The following EPHA6 variants were observed in gnomAD, a reference collection of about 807,000 sequenced individuals.
EPHA6 encodes the protein EPH receptor A6, also known as ephrin type-A receptor 6.
A neutral mutation model predicts 112.0 loss-of-function variants in EPHA6; 50 were observed. The ratio of observed to expected loss-of-function variants is 0.45; its 90% CI spans 0.36 to 0.56. EPHA6 has a LOEUF of 0.56. Ranked by LOEUF, EPHA6 falls within the 20% of genes least tolerant of loss-of-function variation. The pLI is 0.00. For missense variants in EPHA6, 1,280 were observed against 1,417.4 expected (o/e 0.90, Z 1.56); for synonymous variants, 529 against 490.7 (o/e 1.08, Z -1.03).
At chr3:97,214,185 C>T (rs974078273) in intron 3 of EPHA6, among the ~76,000 whole-genome samples, 28 of 152,106 alleles carry the variant, frequency 1.8e-4, no homozygotes, top group Non-Finnish European at 4.0e-4. Context: ...ATTCCAGGTG[C>T]CTGCCACCAT....
intron 3 of EPHA6, among the ~76,000 whole-genome samples, chr3:97,092,972 TA>T (rs1185303244): frequency 5.3e-5 from 8 of 152,126 alleles, no homozygotes; most frequent in Admixed American, 2.0e-4. Flanking sequence ...CAGTCTTGTG[TA>T]GGGTCTCAAA....
chr3:96,868,856 T>C (rs1219681286), intron 2 of EPHA6, among the ~76,000 whole-genome samples: 1 of 152,032 alleles, frequency 6.6e-6, no homozygotes, highest in Non-Finnish European at 1.5e-5. Context: ...ATTTTTCTTT[T>C]TACTTAAATT....
At position 96,947,821 on chromosome 3, in the gene EPHA6, G is replaced by T. The variant is rs148243279; in HGVS notation, c.451-39509G>T. Reference sequence around the variant, plus strand: ...TCAATATCATGAAAATGGCCATACTGCCCAAGGTAACTTATAGATTCAATG... The same window carrying T: ...TCAATATCATGAAAATGGCCATACTTCCCAAGGTAACTTATAGATTCAATG... On this transcript the variant is annotated intron_variant, in intron 2 of 17. Transcript: ENST00000389672. Among the ~76,000 whole-genome samples, 563 of 152,202 alleles carry T rather than the reference G, an allele frequency of 3.7e-3. 2 individuals carry two copies. The highest frequency in any genetic ancestry group is 6.2e-3 in the Non-Finnish European group (424 of 68,002).
At chr3:97,418,768 G>GA (rs199851466) in intron 6 of EPHA6, among the ~76,000 whole-genome samples, 1,727 of 151,958 alleles carry the variant, frequency 0.011, 18 homozygotes, top group South Asian at 0.023. Flanking sequence ...ACATAAATCT[G>GA]AAAAAATACA....
At chr3:97,342,143 T>C (rs2083336237) in intron 5 of EPHA6, among the ~76,000 whole-genome samples, 1 of 152,196 alleles carries the variant, frequency 6.6e-6, no homozygotes, top group Non-Finnish European at 1.5e-5. Context: ...TTTCTCCCTT[T>C]TACTTTCGAA....
At position 97,081,893 on chromosome 3, in the gene EPHA6, C is replaced by A. The variant is rs144875778; in HGVS notation, c.1114+93900C>A. 2.9e-3 allele frequency among the ~76,000 whole-genome samples: 444 copies of A among 151,242 alleles called. 3 individuals are homozygous for A. In the East Asian group the frequency reaches 0.045, roughly 15 times the overall value. ...AAATTTGGGGAACAAAATTTATATACCAACTTAAAATTATTTTCAACTTGA... is the reference window on the plus strand; with the variant it reads ...AAATTTGGGGAACAAAATTTATATAACAACTTAAAATTATTTTCAACTTGA... On this transcript the variant is annotated intron_variant, in intron 3 of 17. Transcript: ENST00000389672.
chr3:97,370,865 A>G (rs1025984614), intron 5 of EPHA6, among the ~76,000 whole-genome samples: 6 of 152,152 alleles, frequency 3.9e-5, no homozygotes, highest in African/African-American at 1.4e-4. Flanking sequence ...GGTGGGAATA[A>G]GATTAAGAGT....
intron 2 of EPHA6, among the ~76,000 whole-genome samples, chr3:96,912,773 A>G (rs2039282643): frequency 6.6e-6 from 1 of 151,912 alleles, no homozygotes; most frequent in African/African-American, 2.4e-5. Flanking sequence ...AAAAAATTTT[A>G]TAGTGATGAG....
Position 97,362,517 on chromosome 3 carries a change from T to G in EPHA6, c.1607-42633T>G, listed in dbSNP as rs147312185. ...CCTCTTTATACGTTAGGACAAATAG[T>G]AATTTAAGAATGTTATATGTATATG... is the stretch of plus-strand genomic sequence containing the variant. On this transcript the variant is annotated intron_variant, in intron 5 of 17. Coordinates refer to ENST00000389672, the MANE Select transcript of EPHA6 (RefSeq NM_001080448.3). 6.7e-3 allele frequency among the ~76,000 whole-genome samples: 1,021 copies of G among 152,146 alleles called. 14 individuals are homozygous for G. The highest frequency in any genetic ancestry group is 0.022 in the African/African-American group (919 of 41,564).
rs112860602 is a variant in EPHA6 at position 97,002,701 on chromosome 3, G to A, written c.1114+14708G>A. ...TATACTATGTTCTTGGATAGGAGTT[G>A]TAAAGAAGTCAGACTCAAAATTCTT... On this transcript the variant is annotated intron_variant, in intron 3 of 17. Transcript: ENST00000389672. Among the ~76,000 whole-genome samples, 765 of 152,040 alleles carry A rather than the reference G, an allele frequency of 5.0e-3. 6 individuals are homozygous for A. Among genetic ancestry groups the A allele is most frequent in the African/African-American group, 0.017 (693 of 41,494 alleles).
At chr3:96,933,165 G>A (rs189153770) in intron 2 of EPHA6, among the ~76,000 whole-genome samples, 1 of 152,204 alleles carries the variant, frequency 6.6e-6, no homozygotes, top group East Asian at 1.9e-4. Flanking sequence ...TTCGAAATTA[G>A]CCTCTGGAAT....
intron 5 of EPHA6, among the ~76,000 whole-genome samples, chr3:97,273,821 G>A (rs1177481481): frequency 1.3e-5 from 2 of 152,162 alleles, no homozygotes; most frequent in Non-Finnish European, 2.9e-5. Flanking sequence ...AGAAATGACC[G>A]CAGTGGCCTT....
intron 3 of EPHA6, among the ~76,000 whole-genome samples, chr3:97,129,372 G>T (rs1173073709): frequency 6.6e-6 from 1 of 151,892 alleles, no homozygotes; most frequent in East Asian, 1.9e-4. Context: ...CGTGGTGGAG[G>T]GTGCCTGTAG....
At chr3:97,243,888 C>A in intron 4 of EPHA6, 64 bp from the exon 5 acceptor site, 1 of 1,253,162 alleles carries the variant, frequency 8.0e-7, no homozygotes, top group Non-Finnish European at 1.1e-6. Context: ...ATGAAGTTTT[C>A]ATTTTAGCGC....
At chr3:96,869,141 A>G (rs1236303336) in intron 2 of EPHA6, among the ~76,000 whole-genome samples, 7 of 152,038 alleles carry the variant, frequency 4.6e-5, no homozygotes, top group Non-Finnish European at 7.4e-5. Context: ...CCTGAATTCA[A>G]TTTAACAAAC....
intron 10 of EPHA6, among the ~76,000 whole-genome samples, chr3:97,513,401 A>T (rs996206539): frequency 2.0e-5 from 3 of 152,212 alleles, no homozygotes; most frequent in Non-Finnish European, 4.4e-5. Flanking sequence ...CACAACAACC[A>T]AGATATTGAA....
chr3:97,015,416 A>C (rs1487366127), intron 3 of EPHA6, among the ~76,000 whole-genome samples: 1 of 152,160 alleles, frequency 6.6e-6, no homozygotes, highest in Non-Finnish European at 1.5e-5. Flanking sequence ...TGTTTGGGTT[A>C]TAGCCAGTTT....
At chr3:97,154,216 T>TA (rs541354053) in intron 3 of EPHA6, among the ~76,000 whole-genome samples, 114 of 152,108 alleles carry the variant, frequency 7.5e-4, no homozygotes, top group African/African-American at 2.6e-3. Context: ...AGGGCACTGA[T>TA]ACATCCAAAT....
chr3:97,471,312 C>T (rs1236246356), intron 7 of EPHA6, among the ~76,000 whole-genome samples: 1 of 151,668 alleles, frequency 6.6e-6, no homozygotes, highest in Non-Finnish European at 1.5e-5. Context: ...CAACACCATT[C>T]AGTTTCCCTT....
Sources: allele counts gnomAD v4.1 joint callset (sites outside exome capture counted in the v4.1 genomes callset), GRCh38; gene constraint gnomAD v4.1.1; transcripts MANE v1.5; gene names NCBI Gene and HGNC (gene_info 2026-07-23, HGNC 2026-07-21).